Variants in ZMIZ1 observed in about 807,000 individuals in gnomAD.
ZMIZ1 encodes the protein zinc finger MIZ domain-containing protein 1.
Under a neutral mutation model 113.9 loss-of-function variants are expected in ZMIZ1, and 17 were observed. The ratio of observed to expected loss-of-function variants is 0.15; its 90% confidence interval spans 0.10 to 0.22. The LOEUF is 0.22. Among genes scored for constraint, ZMIZ1 ranks in the 10% least tolerant of loss-of-function variants. The pLI, the probability that ZMIZ1 is intolerant of heterozygous loss-of-function variation, is 1.00. For missense variants in ZMIZ1, 1,059 were observed against 1,477.8 expected (o/e 0.72, Z 4.65); for synonymous variants, 607 against 603.1 (o/e 1.01, Z -0.09).
intron 7 of ZMIZ1, among the ~76,000 whole-genome samples, chr10:79,263,141 G>A (rs943558711): frequency 5.3e-5 from 8 of 152,254 alleles, no homozygotes; most frequent in Non-Finnish European, 8.8e-5. Context: ...GCGCAGTGGC[G>A]CAGTGACAGA....
chr10:79,310,980 C>T lies in ZMIZ1; in HGVS notation c.2892C>T (p.His964=), dbSNP rs770316858. Reference sequence around the variant, plus strand: ...ACCCCTCCATACAACAAGGTTTGCACGTACCACACCCCAGCAGCCAGTCAG... The same window carrying T: ...ACCCCTCCATACAACAAGGTTTGCATGTACCACACCCCAGCAGCCAGTCAG... ...QPHPSIQQGL[H]VPHPSSQSGP... The change falls in exon 24 of 25, where the codon CAC becomes CAT. Residue 964 remains histidine, a synonymous_variant. Transcript: ENST00000334512. 7 of 1,613,926 alleles carry T rather than the reference C, an allele frequency of 4.3e-6. No homozygotes were observed. The highest frequency in any genetic ancestry group is 2.2e-5 in the South Asian group (2 of 91,084).
chr10:79,138,491 T>A (rs777197533), intron 2 of ZMIZ1, among the ~76,000 whole-genome samples: 2 of 152,130 alleles, frequency 1.3e-5, no homozygotes, highest in Non-Finnish European at 2.9e-5. Context: ...TTCGTGCCCA[T>A]CCCACCTAGA....
chr10:79,236,530 G>A (rs988359739), intron 7 of ZMIZ1, among the ~76,000 whole-genome samples: 3 of 152,182 alleles, frequency 2.0e-5, no homozygotes, highest in Admixed American at 6.5e-5. Flanking sequence ...CTTCAAAGGC[G>A]ACTCCAGAAA....
Position 79,277,226 on chromosome 10 carries a change from T to A in ZMIZ1, c.326T>A (p.Leu109His). 6.3e-7 allele frequency: 1 copy of A among 1,588,616 alleles called. No individual in the cohort carries two copies. Residue 109 changes from leucine (L) to histidine (H), a missense_variant, in exon 8 of 25, where the codon CTC (leucine) becomes CAC (histidine). By Grantham distance (99) the Leu-to-His change is moderately conservative (BLOSUM62 -3). Transcript: ENST00000334512. ...WCEELGRLLLLRHQKSRQSDP... is the reference protein window; with the variant it reads ...WCEELGRLLLHRHQKSRQSDP... Reference sequence around the variant, plus strand: ...GAAGAGCTCGGCCGCCTGCTGCTGCTCCGACATCAGAAGAGCCGCCAGAGC... The same window carrying A: ...GAAGAGCTCGGCCGCCTGCTGCTGCACCGACATCAGAAGAGCCGCCAGAGC...
chr10:79,175,612 GTGTGTGTGTGTGTGTGTGGAGGTTTT>G (rs201645591), intron 4 of ZMIZ1, among the ~76,000 whole-genome samples: 6,449 of 125,216 alleles, frequency 0.052, 348 homozygotes, highest in East Asian at 0.31. Context: ...GTGTGTGTGT[GTGTGTGTGTGTGTGTGTGGAGGTTTT>G]TACAGACCCG....
intron 1 of ZMIZ1, among the ~76,000 whole-genome samples, chr10:79,098,192 C>T (rs1843237666): frequency 6.6e-6 from 1 of 152,182 alleles, no homozygotes; most frequent in African/African-American, 2.4e-5. Context: ...GGAGAAGAGA[C>T]TATTAGACTG....
chr10:79,303,417 C>G (rs1589606061), intron 18 of ZMIZ1, among the ~76,000 whole-genome samples: 3 of 144,510 alleles, frequency 2.1e-5, no homozygotes, highest in East Asian at 4.1e-4. Context: ...ATCAAGCCAC[C>G]ACACTCCAGC....
At chr10:79,181,048 G>A (rs1847103493) in intron 4 of ZMIZ1, among the ~76,000 whole-genome samples, 1 of 152,244 alleles carries the variant, frequency 6.6e-6, no homozygotes, top group South Asian at 2.1e-4. Context: ...TCAGGACAGT[G>A]TGGCCGTGTG....
chr10:79,190,164 T>G (rs1375676635), intron 4 of ZMIZ1, among the ~76,000 whole-genome samples: 2 of 152,142 alleles, frequency 1.3e-5, no homozygotes, highest in Non-Finnish European at 1.5e-5. Flanking sequence ...CCATCACACT[T>G]GGCATGGGCA....
intron 4 of ZMIZ1, among the ~76,000 whole-genome samples, chr10:79,175,421 C>G (rs1442319793): frequency 6.6e-6 from 1 of 152,190 alleles, no homozygotes; most frequent in Non-Finnish European, 1.5e-5. Context: ...GTCTGTCTGG[C>G]ATCGTGTCTC....
At chr10:79,255,349 T>C (rs1850818158) in intron 7 of ZMIZ1, among the ~76,000 whole-genome samples, 1 of 152,232 alleles carries the variant, frequency 6.6e-6, no homozygotes, top group Non-Finnish European at 1.5e-5. Flanking sequence ...GCCTGCCACC[T>C]GGCACCTGGG....
intron 5 of ZMIZ1, among the ~76,000 whole-genome samples, chr10:79,206,577 T>G (rs982906509): frequency 6.6e-6 from 1 of 152,188 alleles, no homozygotes; most frequent in African/African-American, 2.4e-5. Flanking sequence ...TGTTTCTGTA[T>G]GTTGAAATTA....
intron 7 of ZMIZ1, among the ~76,000 whole-genome samples, chr10:79,226,741 A>C (rs1157725871): frequency 6.6e-6 from 1 of 152,178 alleles, no homozygotes; most frequent in Non-Finnish European, 1.5e-5. Context: ...ACAGCCTTGT[A>C]AATACCTTGT....
intron 4 of ZMIZ1, 114 bp from the exon 5 acceptor site, chr10:79,201,470 C>T (rs1297485520): frequency 2.6e-6 from 2 of 768,546 alleles, no homozygotes; most frequent in African/African-American, 1.7e-5. Context: ...CCCCACAGGG[C>T]CCAGCAAAGG....
chr10:79,307,614 G>A lies in ZMIZ1; in HGVS notation c.2835+43G>A, dbSNP rs376514274. 19 of 1,589,658 alleles carry A rather than the reference G, an allele frequency of 1.2e-5. No homozygotes were observed. The African/African-American group carries it at 2.5e-4, about 21-fold the overall frequency. On this transcript the variant is annotated intron_variant, in intron 23 of 24. Coordinates refer to ENST00000334512, the MANE Select transcript of ZMIZ1 (RefSeq NM_020338.4). ...ACCCCATTCCATTCCCCAGCCTTTGGGGTTGATGCCTTGGGATCTGGATAC... is the reference window on the plus strand; with the variant it reads ...ACCCCATTCCATTCCCCAGCCTTTGAGGTTGATGCCTTGGGATCTGGATAC...
intron 7 of ZMIZ1, among the ~76,000 whole-genome samples, chr10:79,254,252 A>G (rs1850736329): frequency 6.6e-6 from 1 of 152,212 alleles, no homozygotes; most frequent in African/African-American, 2.4e-5. Context: ...TTTGAGGGCC[A>G]GTCTTAGGGA....
At chr10:79,225,881 C>G (rs1180826436) in intron 7 of ZMIZ1, among the ~76,000 whole-genome samples, 1 of 152,212 alleles carries the variant, frequency 6.6e-6, no homozygotes, top group Non-Finnish European at 1.5e-5. Flanking sequence ...TCCATCTACA[C>G]CATTTCTCTG....
At chr10:79,239,592 T>TC (rs563980444) in intron 7 of ZMIZ1, among the ~76,000 whole-genome samples, 34 of 152,276 alleles carry the variant, frequency 2.2e-4, no homozygotes, top group African/African-American at 8.2e-4. Flanking sequence ...AGCAGAGCCG[T>TC]CCCTGGCTTC....
chr10:79,171,105 G>A (rs776203477), intron 4 of ZMIZ1, among the ~76,000 whole-genome samples: 17 of 152,174 alleles, frequency 1.1e-4, no homozygotes, highest in South Asian at 2.1e-4. Context: ...AAATATCCAC[G>A]CACAGTGCGG....
Sources: allele counts gnomAD v4.1 joint callset (sites outside exome capture counted in the v4.1 genomes callset), GRCh38; gene constraint gnomAD v4.1.1; transcripts MANE v1.5; gene names NCBI Gene and HGNC (gene_info 2026-07-23, HGNC 2026-07-21).